The following TIGIT variants were observed in gnomAD, a reference collection of about 807,000 sequenced individuals.
TIGIT encodes T-cell immunoreceptor with Ig and ITIM domains.
In TIGIT, 11 loss-of-function variants were observed where a neutral mutation model predicts 19.6. That is an observed-to-expected ratio of 0.56 (90% CI 0.35 to 0.93). TIGIT has a LOEUF of 0.93. TIGIT is among the 40% of genes least tolerant of loss of function. The probability of loss-of-function intolerance (pLI) is 0.01; values close to 1 mark genes in which losing one functional copy is unlikely to be tolerated. For synonymous variants in TIGIT, 130 were observed against 125.5 expected (o/e 1.04, Z -0.24); for missense variants, 295 against 303.9 (o/e 0.97, Z 0.22).
chr3:114,300,052 C>T (rs1446471075), intron 3 of TIGIT, among the ~76,000 whole-genome samples: 1 of 152,134 alleles, frequency 6.6e-6, no homozygotes, highest in Non-Finnish European at 1.5e-5. Context: ...GAGCTTTCTG[C>T]ACATTAGCTC....
chr3:114,310,149 AT>A lies in TIGIT; in HGVS notation c.*2020del, dbSNP rs1238501570. On this transcript the variant is annotated 3_prime_UTR_variant, in exon 4 of 4. Coordinates refer to ENST00000383671, the MANE Select transcript of TIGIT (RefSeq NM_173799.4). ...GTTTAAATCAAGATGTGCTGTTATA[AT>A]TGGTATAAGCATAAAATCACACTAG... 3 of 152,316 alleles carry A rather than the reference AT, an allele frequency of 2.0e-5. No homozygotes were observed. In the East Asian group the frequency reaches 5.8e-4, roughly 29 times the overall value. 9.4% of individuals were successfully genotyped at this position (152,316 alleles called of 1,614,324 possible). A position where few individuals can be genotyped will look rare whatever the true frequency, so the allele number is the denominator to read the frequency against.
At position 114,295,792 on chromosome 3, in the gene TIGIT, A is replaced by C; in HGVS notation, c.309A>C (p.Thr103=). 4 of 1,614,166 alleles carry C rather than the reference A, an allele frequency of 2.5e-6. No homozygotes were observed. The highest frequency in any genetic ancestry group is 3.4e-6 in the Non-Finnish European group (4 of 1,180,010). Residue 103 remains threonine (T), a synonymous_variant, in exon 2 of 4, where the codon ACA becomes ACC. Coordinates refer to ENST00000383671, the MANE Select transcript of TIGIT (RefSeq NM_173799.4). ...LTLQSLTVND[T]GEYFCIYHTY... is the part of the protein sequence containing the mutation. ...TCCAGTCGCTGACCGTGAACGATAC[A>C]GGGGAGTACTTCTGCATCTATCACA...
intron 3 of TIGIT, among the ~76,000 whole-genome samples, chr3:114,300,625 G>A (rs1360491977): frequency 6.6e-6 from 1 of 152,076 alleles, no homozygotes; most frequent in Non-Finnish European, 1.5e-5. Context: ...ACAATTATTG[G>A]GAAATTTATA....
chr3:114,303,852 T>C (rs1461785842), intron 3 of TIGIT, among the ~76,000 whole-genome samples: 1 of 152,102 alleles, frequency 6.6e-6, no homozygotes, highest in African/African-American at 2.4e-5. Flanking sequence ...CTGTTTTCCA[T>C]AGTCATACTA....
In TIGIT at chr3:114,308,481, G is replaced by C; in HGVS notation, c.*350G>C. ...CCAGCATTTTGGGCTACAAGGTTTT[G>C]TGGTTGATGATGAGGATGGCATGAC... is the stretch of plus-strand genomic sequence containing the variant. On this transcript the variant is annotated 3_prime_UTR_variant, in exon 4 of 4. Transcript: ENST00000383671. The C allele has an allele frequency of 5.0e-6, 1 of 198,634 alleles. No homozygotes were observed. Among genetic ancestry groups the C allele is most frequent in the South Asian group, 9.7e-5 (1 of 10,272 alleles). The allele number at this position is 198,634 out of a possible 1,614,324, so 12.3% of individuals were successfully genotyped here.
chr3:114,296,890 C>CA (rs1395234057), intron 2 of TIGIT, among the ~76,000 whole-genome samples: 2 of 112,884 alleles, frequency 1.8e-5, no homozygotes, highest in African/African-American at 3.3e-5. Context: ...AATGTTACTT[C>CA]TTTTTTTTTT....
intron 2 of TIGIT, among the ~76,000 whole-genome samples, chr3:114,296,531 A>G (rs1014011730): frequency 6.6e-6 from 1 of 152,216 alleles, no homozygotes; most frequent in African/African-American, 2.4e-5. Context: ...TCTGTGTATC[A>G]GTTTTCTCAT....
rs114875093 is a variant in TIGIT, at chr3:114,306,193, G to C, written c.499-1702G>C. Among the ~76,000 whole-genome samples the C allele has an allele frequency of 4.1e-4, 63 of 152,220 alleles. 1 individual carries two copies. Among genetic ancestry groups the C allele is most frequent in the African/African-American group, 1.4e-3 (60 of 41,510 alleles). ...GAGAAGAGTGTGTCCCAACTCCAAAGAGAGAAAGTACAATTTTGCCTCTCT... is the reference window on the plus strand; with the variant it reads ...GAGAAGAGTGTGTCCCAACTCCAAACAGAGAAAGTACAATTTTGCCTCTCT... On this transcript the variant is annotated intron_variant, in intron 3 of 3. Coordinates refer to ENST00000383671, the MANE Select transcript of TIGIT (RefSeq NM_173799.4).
At chr3:114,301,512 C>T (rs1374801335) in intron 3 of TIGIT, among the ~76,000 whole-genome samples, 1 of 152,154 alleles carries the variant, frequency 6.6e-6, no homozygotes, top group Non-Finnish European at 1.5e-5. Context: ...GGGAAGGGAG[C>T]TGCTATGGTG....
At chr3:114,294,215 G>C (rs1235443712) in intron 1 of TIGIT, 93 bp downstream of exon 1, 1 of 918,170 alleles carries the variant, frequency 1.1e-6, no homozygotes, top group African/African-American at 1.7e-5. Context: ...GACTCCAAGA[G>C]CATGCCACAG....
rs148217573 is a variant in TIGIT at position 114,296,366 on chromosome 3, G to A, written c.391+492G>A. The stretch of plus-strand genomic sequence containing the variant: ...ATGCCCTCATATTTGTTATCCACCT[G>A]TACATTTAAACCAATTCCCAGAGGT... On this transcript the variant is annotated intron_variant, in intron 2 of 3. Transcript: ENST00000383671. 8.2e-4 allele frequency among the ~76,000 whole-genome samples: 125 copies of A among 152,314 alleles called. 2 individuals carry two copies. Among genetic ancestry groups the A allele is most frequent in the African/African-American group, 2.9e-3 (119 of 41,562 alleles).
intron 3 of TIGIT, among the ~76,000 whole-genome samples, chr3:114,306,176 T>G (rs955365187): frequency 1.3e-5 from 2 of 151,964 alleles, no homozygotes; most frequent in African/African-American, 2.4e-5. Flanking sequence ...ATGAGAAGAG[T>G]GTGTCCCAAC....
Position 114,297,124 on chromosome 3 carries a change from G to A in TIGIT, c.391+1250G>A, listed in dbSNP as rs146147665. ...TTGGTCAGGCTGGTCTCAAACTCCC[G>A]ACCTCCAGTGATCTGCCCGCCTCAG... On this transcript the variant is annotated intron_variant, in intron 2 of 3. Transcript: ENST00000383671. Among the ~76,000 whole-genome samples, 901 of 152,026 alleles carry A rather than the reference G, an allele frequency of 5.9e-3. 35 individuals carry two copies. In the East Asian group the frequency reaches 0.11, roughly 19 times the overall value.
chr3:114,306,774 A>G (rs1326530712), intron 3 of TIGIT, among the ~76,000 whole-genome samples: 5 of 102,454 alleles, frequency 4.9e-5, no homozygotes, highest in African/African-American at 1.6e-4. Context: ...ATGTAGTGAA[A>G]TTATGGATTT....
chr3:114,307,075 T>C (rs973601283), intron 3 of TIGIT, among the ~76,000 whole-genome samples: 8 of 152,092 alleles, frequency 5.3e-5, no homozygotes, highest in Admixed American at 3.3e-4. Flanking sequence ...GGATTAAAAT[T>C]GGATGAAGTT....
intron 3 of TIGIT, among the ~76,000 whole-genome samples, chr3:114,303,324 C>T (rs981241558): frequency 2.3e-4 from 35 of 151,946 alleles, no homozygotes; most frequent in African/African-American, 5.5e-4. Flanking sequence ...TCATTCTTAA[C>T]GCCTTTGCGT....
intron 3 of TIGIT, 160 bp from the exon 4 acceptor site, chr3:114,307,735 T>C (rs765491950): frequency 2.6e-5 from 17 of 658,478 alleles, no homozygotes; most frequent in Non-Finnish European, 3.7e-5. Flanking sequence ...AATCTAGCTG[T>C]AACGCGGTTG....
At chr3:114,299,743 C>T in intron 3 of TIGIT, 40 bp downstream of exon 3, 1 of 1,361,818 alleles carries the variant, frequency 7.3e-7, no homozygotes, top group Non-Finnish European at 1.0e-6. Context: ...TGGGCACCCC[C>T]ACGTCTGGCA....
intron 2 of TIGIT, among the ~76,000 whole-genome samples, chr3:114,298,868 C>A (rs1468890946): frequency 1.3e-5 from 2 of 152,200 alleles, no homozygotes; most frequent in African/African-American, 4.8e-5. Flanking sequence ...TACAGCGCAG[C>A]ATGCATGGGG....
Sources: allele counts gnomAD v4.1 joint callset (sites outside exome capture counted in the v4.1 genomes callset), GRCh38; gene constraint gnomAD v4.1.1; transcripts MANE v1.5; gene names NCBI Gene and HGNC (gene_info 2026-07-23, HGNC 2026-07-21).